Variants in BMAL1 observed in about 807,000 individuals in gnomAD.
BMAL1 encodes basic helix-loop-helix ARNT like 1.
chr11:13,304,769 A>G, the BMAL1 span, among the ~76,000 whole-genome samples: 1 of 152,192 alleles, frequency 6.6e-6, no homozygotes, highest in African/African-American at 2.4e-5. Flanking sequence ...CCATCTGCAA[A>G]CACTGGTGAG....
chr11:13,285,108 G>A, the BMAL1 span, among the ~76,000 whole-genome samples: 1 of 152,164 alleles, frequency 6.6e-6, no homozygotes, highest in Non-Finnish European at 1.5e-5. Flanking sequence ...GATAACATTT[G>A]TTCCCTTTGT....
the BMAL1 span, chr11:13,379,266 T>A: frequency 6.6e-6 from 1 of 152,192 alleles, no homozygotes; most frequent in Non-Finnish European, 1.5e-5. Context: ...ATTTGGGGAA[T>A]AGAGAAGGTG....
the BMAL1 span, among the ~76,000 whole-genome samples, chr11:13,278,929 C>T: frequency 6.6e-6 from 1 of 152,164 alleles, no homozygotes; most frequent in African/African-American, 2.4e-5. Context: ...CGCATGTTAG[C>T]CTCCCCGAGG....
At chr11:13,378,079 G>GT in the BMAL1 span, among the ~76,000 whole-genome samples, 41 of 151,934 alleles carry the variant, frequency 2.7e-4, no homozygotes, top group Middle Eastern at 0.01. Context: ...TTCAATAAAC[G>GT]TTTTTTTTCA....
the BMAL1 span, among the ~76,000 whole-genome samples, chr11:13,332,839 G>C: frequency 6.6e-6 from 1 of 152,092 alleles, no homozygotes; most frequent in Non-Finnish European, 1.5e-5. Flanking sequence ...GAGGAGTCTG[G>C]GAAGTAGCCT....
At chr11:13,281,923 T>G in the BMAL1 span, among the ~76,000 whole-genome samples, 3 of 152,236 alleles carry the variant, frequency 2.0e-5, no homozygotes, top group African/African-American at 7.2e-5. Flanking sequence ...AAGATAAATG[T>G]CTGTCCTAGC....
chr11:13,386,646 A>T, the BMAL1 span: 1 of 1,614,186 alleles, frequency 6.2e-7, no homozygotes, highest in Non-Finnish European at 8.5e-7. Flanking sequence ...CCAAGGATCA[A>T]GTAGTCCCAG....
chr11:13,320,554 A>G, the BMAL1 span, among the ~76,000 whole-genome samples: 106 of 152,368 alleles, frequency 7.0e-4, 1 homozygote, highest in African/African-American at 2.4e-3. Context: ...AAGTAGGGAC[A>G]GTAATTCTTT....
chr11:13,323,509 A>G, the BMAL1 span, among the ~76,000 whole-genome samples: 1 of 112,392 alleles, frequency 8.9e-6, no homozygotes, highest in African/African-American at 3.1e-5. Flanking sequence ...CATCATTTTT[A>G]CCTGGCTACC....
At chr11:13,310,891 A>G in the BMAL1 span, among the ~76,000 whole-genome samples, 1 of 152,230 alleles carries the variant, frequency 6.6e-6, no homozygotes, top group Non-Finnish European at 1.5e-5. Flanking sequence ...GACAAGAGGC[A>G]TGGGCCCCTT....
the BMAL1 span, among the ~76,000 whole-genome samples, chr11:13,329,984 A>T: frequency 2.0e-5 from 3 of 152,210 alleles, no homozygotes; most frequent in Non-Finnish European, 4.4e-5. Flanking sequence ...ACCTGATTTA[A>T]ATAAAGTCTA....
At chr11:13,368,616 A>G in the BMAL1 span, among the ~76,000 whole-genome samples, 1 of 152,158 alleles carries the variant, frequency 6.6e-6, no homozygotes, top group Non-Finnish European at 1.5e-5. Context: ...TCCTCGGCAC[A>G]CTTGCTCGTG....
the BMAL1 span, among the ~76,000 whole-genome samples, chr11:13,330,290 T>A: frequency 2.0e-5 from 3 of 152,070 alleles, no homozygotes; most frequent in Admixed American, 1.3e-4. Flanking sequence ...TGGCTGTGAG[T>A]GTCTGTGGGT....
the BMAL1 span, among the ~76,000 whole-genome samples, chr11:13,284,264 A>ATTTTT: frequency 2.9e-5 from 1 of 34,826 alleles, no homozygotes; most frequent in Non-Finnish European, 5.4e-5. Context: ...ATATATATAT[A>ATTTTT]TATTTTTTTT....
At chr11:13,318,544 G>GTTT in the BMAL1 span, among the ~76,000 whole-genome samples, 3 of 49,320 alleles carry the variant, frequency 6.1e-5, no homozygotes, top group Admixed American at 5.7e-4. Flanking sequence ...AAGACACTTA[G>GTTT]TTTTTTTTTT....
At chr11:13,374,164 A>C in the BMAL1 span, 1 of 1,614,058 alleles carries the variant, frequency 6.2e-7, no homozygotes, top group Non-Finnish European at 8.5e-7. Flanking sequence ...ATTTTCACCA[A>C]GATGACATAG....
the BMAL1 span, among the ~76,000 whole-genome samples, chr11:13,283,764 C>T: frequency 6.6e-6 from 1 of 152,110 alleles, no homozygotes; most frequent in African/African-American, 2.4e-5. Flanking sequence ...TGGATGCTAC[C>T]TGAGCAGCAG....
At chr11:13,284,246 A>T in the BMAL1 span, among the ~76,000 whole-genome samples, 1 of 11,278 alleles carries the variant, frequency 8.9e-5, no homozygotes, top group African/African-American at 3.9e-4. Flanking sequence ...ATATATATAT[A>T]TATATATATA....
the BMAL1 span, among the ~76,000 whole-genome samples, chr11:13,291,225 C>T: frequency 0.92 from 140,784 of 152,310 alleles, 65,530 homozygotes; most frequent in East Asian, 1. Flanking sequence ...TAGAACATTC[C>T]TGTGTAATTG....
Sources: allele counts gnomAD v4.1 joint callset (sites outside exome capture counted in the v4.1 genomes callset), GRCh38; gene constraint gnomAD v4.1.1; transcripts MANE v1.5; gene names NCBI Gene and HGNC (gene_info 2026-07-23, HGNC 2026-07-21).